EML1: variants seen among roughly 807,000 people sequenced by gnomAD.
EML1 encodes EMAP like 1.
A neutral mutation model predicts 110.4 loss-of-function variants in EML1; 27 were observed. The observed-to-expected ratio is 0.24, with a 90% CI of 0.18 to 0.34. EML1 has a LOEUF of 0.34. EML1 is among the 10% of genes least tolerant of loss of function. The pLI, the probability that EML1 is intolerant of heterozygous loss-of-function variation, is 1.00. For synonymous variants in EML1, 344 were observed against 385.8 expected, an observed-to-expected ratio of 0.89 and a Z score of 1.27; for missense variants, 741 against 1,030.9, an observed-to-expected ratio of 0.72 and a Z score of 3.85.
At chr14:99,835,798 T>G (rs958074051) in intron 1 of EML1, among the ~76,000 whole-genome samples, 2 of 152,228 alleles carry the variant, frequency 1.3e-5, no homozygotes, top group African/African-American at 4.8e-5. Context: ...GAAAATACTC[T>G]TCTTTCTCTG....
Position 99,827,782 on chromosome 14 carries a change from T to C in EML1, c.68-23071T>C, listed in dbSNP as rs953571414. On this transcript the variant is annotated intron_variant, in intron 1 of 21. Coordinates refer to ENST00000262233, the MANE Select transcript of EML1 (RefSeq NM_004434.3). This position sits in a 1 kb window ranked among gnomAD's most constrained non-coding sequence, Gnocchi z 4.4. ...GATCTCAGATGTCCAGCCTCCAGGA[T>C]TGTTTAAGCCCCCCAGTCTGTAGTA... 3.9e-5 allele frequency among the ~76,000 whole-genome samples: 6 copies of C among 152,034 alleles called. No individual in the cohort carries two copies. Among genetic ancestry groups the C allele is most frequent in the African/African-American group, 9.7e-5 (4 of 41,402 alleles).
intron 3 of EML1, among the ~76,000 whole-genome samples, chr14:99,875,419 C>T (rs1386321821): frequency 6.6e-5 from 10 of 152,230 alleles, no homozygotes; most frequent in Non-Finnish European, 1.5e-5. Flanking sequence ...ACTGTGGCTG[C>T]TGCTGCTGCA....
chr14:99,858,333 C>T (rs2058942072), intron 2 of EML1, among the ~76,000 whole-genome samples: 1 of 152,076 alleles, frequency 6.6e-6, no homozygotes, highest in African/African-American at 2.4e-5. Flanking sequence ...TACAGGCATG[C>T]ACCTCCACGC....
intron 4 of EML1, among the ~76,000 whole-genome samples, chr14:99,889,555 G>A (rs959659673): frequency 2.6e-5 from 4 of 152,192 alleles, no homozygotes; most frequent in Non-Finnish European, 5.9e-5. Context: ...CGAGCAGGGC[G>A]TGAGGAGGGT....
At chr14:99,850,588 T>C (rs2058779544) in intron 1 of EML1, among the ~76,000 whole-genome samples, 1 of 152,098 alleles carries the variant, frequency 6.6e-6, no homozygotes, top group Non-Finnish European at 1.5e-5. Flanking sequence ...TTGGCCTCCA[T>C]GTAGAAAAGT....
At chr14:99,929,605 G>C (rs771834472) in intron 17 of EML1, among the ~76,000 whole-genome samples, 21 of 152,198 alleles carry the variant, frequency 1.4e-4, no homozygotes, top group Non-Finnish European at 2.8e-4. Context: ...GTGATCAGCA[G>C]TATGAGTTTT....
chr14:99,857,197 AG>A (rs2058917446), intron 2 of EML1, among the ~76,000 whole-genome samples: 1 of 152,244 alleles, frequency 6.6e-6, no homozygotes, highest in East Asian at 1.9e-4. Flanking sequence ...ACTTGAGCCC[AG>A]GAGGTCGAGG....
intron 19 of EML1, 92 bp from the exon 20 acceptor site, chr14:99,937,723 GTA>G: frequency 8.8e-7 from 1 of 1,141,128 alleles, no homozygotes; most frequent in Non-Finnish European, 1.3e-6. Flanking sequence ...GAAGGGCTCT[GTA>G]CCCAACGGGG....
At position 99,940,031 on chromosome 14, in the gene EML1, T is replaced by C; in HGVS notation, c.2367T>C (p.Asn789=). Residue 789 remains asparagine, a synonymous_variant, in exon 22 of 22, where the codon AAT becomes AAC. Transcript: ENST00000262233. ...IYGGHSSHVT[N]VDFLCEDSHL... is the part of the protein sequence containing the mutation. ...GCGGGCACAGCAGCCATGTCACCAATGTCGATTTCCTCTGTGAAGACAGCC... is the reference window on the plus strand; with the variant it reads ...GCGGGCACAGCAGCCATGTCACCAACGTCGATTTCCTCTGTGAAGACAGCC... The C allele has an allele frequency of 6.2e-7, 1 of 1,603,478 alleles. No individual in the cohort carries two copies. Among genetic ancestry groups the C allele is most frequent in the Non-Finnish European group, 8.5e-7 (1 of 1,175,124 alleles).
chr14:99,797,447 T>A (rs1348057979), intron 1 of EML1, among the ~76,000 whole-genome samples: 2 of 152,212 alleles, frequency 1.3e-5, no homozygotes. Flanking sequence ...TGTTTTCATT[T>A]CTCTTGGGCA....
chr14:99,765,636 C>T (rs1035970520), intron 1 of EML1, among the ~76,000 whole-genome samples: 1 of 151,984 alleles, frequency 6.6e-6, no homozygotes, highest in Non-Finnish European at 1.5e-5. Flanking sequence ...CAGAGTCTGG[C>T]TCTTTCGCCC....
At chr14:99,775,227 G>A (rs1595265871) in intron 1 of EML1, among the ~76,000 whole-genome samples, 1 of 152,174 alleles carries the variant, frequency 6.6e-6, no homozygotes, top group Non-Finnish European at 1.5e-5. Context: ...AGAGCATCCA[G>A]GAGGGATCCG....
At chr14:99,930,368 C>T (rs949025227) in intron 17 of EML1, among the ~76,000 whole-genome samples, 3 of 152,210 alleles carry the variant, frequency 2.0e-5, no homozygotes, top group Admixed American at 2.0e-4. Flanking sequence ...TCTGGGCACA[C>T]GCCTGGAACG....
At chr14:99,883,267 A>G (rs1474581568) in intron 4 of EML1, 1 of 152,046 alleles carries the variant, frequency 6.6e-6, no homozygotes, top group Non-Finnish European at 1.5e-5. Context: ...GTGGTGGCCC[A>G]CTCCTGTAAT....
chr14:99,756,940 C>T (rs968178972), intron 1 of EML1, among the ~76,000 whole-genome samples: 6 of 152,324 alleles, frequency 3.9e-5, no homozygotes, highest in East Asian at 1.9e-4. Context: ...CAAGGATGCG[C>T]GTGCTCCTGT....
rs780198361 is a variant in EML1, at chr14:99,911,467, G to A, written c.1385G>A (p.Gly462Asp). The change falls in exon 13 of 22, where the codon GGC (glycine) becomes GAC (aspartate). Residue 462 changes from glycine to aspartate, a missense_variant. This residue lies in a region of EML1 where 388 missense variants were observed against 605.6 expected (regional missense o/e 0.64). Coordinates refer to ENST00000262233, the MANE Select transcript of EML1 (RefSeq NM_004434.3). ...GCAGTTCAGGGGGCCCATGAGGGTG[G>A]CATTTTTGCACTTTGTATGTTAAGA... ...SYAVQGAHEG[G>D]IFALCMLRDG... 6.2e-7 allele frequency: 1 copy of A among 1,611,662 alleles called. No individual in the cohort carries two copies. The highest frequency in any genetic ancestry group is 8.5e-7 in the Non-Finnish European group (1 of 1,179,628).
intron 1 of EML1, among the ~76,000 whole-genome samples, chr14:99,741,796 G>C (rs192693649): frequency 3.3e-5 from 5 of 152,136 alleles, no homozygotes; most frequent in Admixed American, 2.0e-4. Context: ...TCTCTGAGGT[G>C]GGGGGGCCTG....
chr14:99,797,993 T>A (rs2057806379), intron 1 of EML1, among the ~76,000 whole-genome samples: 1 of 152,346 alleles, frequency 6.6e-6, no homozygotes, highest in South Asian at 2.1e-4. Flanking sequence ...AGAAAGGCTG[T>A]TCAACCTGTG....
In EML1 at chr14:99,902,618, G is replaced by T. The variant is rs537612125; in HGVS notation, c.1008+1579G>T. Among the ~76,000 whole-genome samples, 13 of 152,318 alleles carry T rather than the reference G, an allele frequency of 8.5e-5. No individual in the cohort carries two copies. In the South Asian group the frequency reaches 2.1e-3, roughly 24 times the overall value. ...GGCTTGATTATTTGTATAAAGTGCA[G>T]CAAGAATAATTATTTTTCACATAGG... On this transcript the variant is annotated intron_variant, in intron 9 of 21. Coordinates refer to ENST00000262233, the MANE Select transcript of EML1 (RefSeq NM_004434.3).
Sources: gnomAD v4.1 joint callset for allele counts (sites outside exome capture counted in the v4.1 genomes callset) on GRCh38, gnomAD v4.1.1 for gene constraint, gnomAD v4.1.1 regional missense constraint, Gnocchi (gnomAD v3.1) non-coding constraint, MANE v1.5 for transcripts, NCBI Gene and HGNC (gene_info 2026-07-23, HGNC 2026-07-21) for gene names.